CDH15: variants seen among roughly 807,000 people sequenced by gnomAD.
CDH15 encodes the protein cadherin-15.
In CDH15, 73 loss-of-function variants were observed where a neutral mutation model predicts 69.4. That is an observed-to-expected ratio of 1.05 (90% confidence interval 0.87 to 1.28). The LOEUF is 1.28. Among genes scored for constraint, CDH15 ranks in the 50% most tolerant of loss-of-function variants. The pLI, the probability that CDH15 is intolerant of heterozygous loss-of-function variation, is 0.00. For missense variants in CDH15, 1,343 were observed against 1,133.6 expected (o/e 1.18, Z -2.65); for synonymous variants, 624 against 507.7 (o/e 1.23, Z -3.08).
Position 89,172,260 on chromosome 16 carries a change from G to A in CDH15, c.42+387G>A, listed in dbSNP as rs113186228. Among the ~76,000 whole-genome samples the A allele has an allele frequency of 2.0e-3, 307 of 152,214 alleles. 3 individuals are homozygous for A. Among genetic ancestry groups the A allele is most frequent in the African/African-American group, 6.1e-3 (255 of 41,534 alleles). On this transcript the variant is annotated intron_variant, in intron 1 of 13. Coordinates refer to ENST00000289746, the MANE Select transcript of CDH15 (RefSeq NM_004933.3). ...GAGTGCCCCTCTCTGGGGGGCTGGG[G>A]GCCAGGTTTCTATAGGGACTCCCTG... is the stretch of plus-strand genomic sequence containing the variant.
intron 13 of CDH15, among the ~76,000 whole-genome samples, chr16:89,194,197 G>T (rs1245972712): frequency 6.6e-6 from 1 of 152,236 alleles, no homozygotes; most frequent in Non-Finnish European, 1.5e-5. Context: ...CATGGAGGGG[G>T]TGGGGGAGCC....
chr16:89,192,241 C>T lies in CDH15; in HGVS notation c.1652C>T (p.Pro551Leu). ...CGCCTGCGGCCGCGACACCAGGTCC[C>T]CGAAGGCCTGCACCGCCTCAGCCTG... is the stretch of plus-strand genomic sequence containing the variant. ...HARLRPRHQVPEGLHRLSLLL... is the reference protein window; with the variant it reads ...HARLRPRHQVLEGLHRLSLLL... Residue 551 changes from proline (P) to leucine (L), a missense_variant, in exon 11 of 14, where the codon CCC becomes CTC. By Grantham distance (98) the Pro-to-Leu change is moderately conservative. Coordinates refer to ENST00000289746, the MANE Select transcript of CDH15 (RefSeq NM_004933.3). The T allele has an allele frequency of 1.2e-5, 19 of 1,529,894 alleles. No homozygotes were observed. Among genetic ancestry groups the T allele is most frequent in the Non-Finnish European group, 1.7e-5 (19 of 1,144,870 alleles). 94.8% of individuals were successfully genotyped at this position (1,529,894 alleles called of 1,614,324 possible). A position where few individuals can be genotyped will look rare whatever the true frequency, so the allele number is the denominator to read the frequency against.
intron 6 of CDH15, 130 bp from the exon 7 acceptor site, chr16:89,187,970 C>T: frequency 2.5e-6 from 2 of 804,266 alleles, no homozygotes; most frequent in Non-Finnish European, 3.8e-6. Context: ...TCGACAGGAG[C>T]AAGGGAGGGT....
intron 3 of CDH15, 159 bp from the exon 4 acceptor site, chr16:89,183,389 C>T: frequency 1.3e-6 from 1 of 792,708 alleles, no homozygotes; most frequent in Admixed American, 2.2e-5. Flanking sequence ...TCCTCAGTCA[C>T]TGTGACAGAT....
chr16:89,171,752 C>A lies in CDH15; in HGVS notation c.-80C>A. 1 of 1,398,686 alleles carries A rather than the reference C, an allele frequency of 7.1e-7. No homozygotes were observed. The highest frequency in any genetic ancestry group is 1.4e-5 in the African/African-American group (1 of 69,668). The allele number at this position is 1,398,686 out of a possible 1,614,324, so 86.6% of individuals were successfully genotyped here. On this transcript the variant is annotated 5_prime_UTR_variant, in exon 1 of 14. Coordinates refer to ENST00000289746, the MANE Select transcript of CDH15 (RefSeq NM_004933.3). ...CTGTCTCTGGCCCTGGCCCGCCCCG[C>A]GCACTTGCGCTGTCACTCAGCCTGG...
chr16:89,180,754 C>A (rs1037323753), intron 3 of CDH15, among the ~76,000 whole-genome samples: 2 of 152,140 alleles, frequency 1.3e-5, no homozygotes, highest in South Asian at 4.2e-4. Flanking sequence ...GATGGAGTCT[C>A]GCTCTGTCGC....
rs529150187 is a variant in CDH15 at position 89,183,465 on chromosome 16, G to A, written c.358-83G>A. The A allele has an allele frequency of 8.2e-4, 1,221 of 1,497,548 alleles. 3 individuals carry two copies. Among genetic ancestry groups the A allele is most frequent in the Non-Finnish European group, 1.0e-3 (1,130 of 1,080,260 alleles). The allele number at this position is 1,497,548 out of a possible 1,614,324, so 92.8% of individuals were successfully genotyped here. On this transcript the variant is annotated intron_variant, in intron 3 of 13. Coordinates refer to ENST00000289746, the MANE Select transcript of CDH15 (RefSeq NM_004933.3). ...TTCCAGCTGGAGACAAAGTCTGAAC[G>A]TGCTGTCTCTTTCGCATGGCCCTAA...
In CDH15 at chr16:89,190,324, A is replaced by T. The variant is rs375768299; in HGVS notation, c.1060A>T (p.Arg354Trp). 3.1e-6 allele frequency: 5 copies of T among 1,612,322 alleles called. No homozygotes were observed. The African/African-American group carries it at 6.7e-5, about 21-fold the overall frequency. Residue 354 changes from arginine (R) to tryptophan (W), a missense_variant, in exon 8 of 14, where the codon AGG becomes TGG. Arg to Trp is a moderately radical substitution (Grantham distance 101). Transcript: ENST00000289746. ...NEAPLQAAAL[R>W]AERGQAKVRV... The stretch of plus-strand genomic sequence containing the variant: ...GGCCCCGCTGCAGGCGGCTGCCCTT[A>T]GGGCTGAGCGGGGCCAGGCCAAGGT...
In CDH15 at chr16:89,194,001, AG is replaced by A; in HGVS notation, c.2151+89del. On this transcript the variant is annotated intron_variant, in intron 13 of 13. Transcript: ENST00000289746. ...ATGTACACACCTGCACATGCATGCA[AG>A]AACCGGCGCCTGCATGCACTTATGG... is the stretch of plus-strand genomic sequence containing the variant. The A allele has an allele frequency of 2.1e-6, 3 of 1,427,480 alleles. No homozygotes were observed. The South Asian group carries it at 3.6e-5, about 17-fold the overall frequency. 88.4% of individuals were successfully genotyped at this position (1,427,480 alleles called of 1,614,324 possible).
At chr16:89,180,797 C>T (rs1432632410) in intron 3 of CDH15, among the ~76,000 whole-genome samples, 1 of 142,498 alleles carries the variant, frequency 7.0e-6, no homozygotes, top group Non-Finnish European at 1.5e-5. Context: ...GATCTCGGCT[C>T]ACTGCAAGCT....
Position 89,171,810 on chromosome 16 carries a change from C to T in CDH15, c.-22C>T. On this transcript the variant is annotated 5_prime_UTR_variant, in exon 1 of 14. Coordinates refer to ENST00000289746, the MANE Select transcript of CDH15 (RefSeq NM_004933.3). ...TCTTCGGGTCGCGGGTGCACTCCGG[C>T]CCGGCTCCCGCCTCGGCCCCGATGG... The T allele has an allele frequency of 3.2e-6, 5 of 1,548,806 alleles. No individual in the cohort carries two copies. The highest frequency in any genetic ancestry group is 4.3e-6 in the Non-Finnish European group (5 of 1,150,208).
At chr16:89,190,140 C>G in intron 7 of CDH15, 103 bp from the exon 8 acceptor site, 1 of 1,381,734 alleles carries the variant, frequency 7.2e-7, no homozygotes, top group African/African-American at 1.4e-5. Context: ...AAGGAAAGTA[C>G]AGGTGCTCTG....
intron 13 of CDH15, among the ~76,000 whole-genome samples, chr16:89,194,510 G>A (rs984400124): frequency 6.6e-6 from 1 of 152,218 alleles, no homozygotes; most frequent in Admixed American, 6.5e-5. Flanking sequence ...GCGGATGGGG[G>A]TGTCCAGGAG....
At chr16:89,177,876 C>T (rs773467114) in intron 1 of CDH15, among the ~76,000 whole-genome samples, 1 of 152,108 alleles carries the variant, frequency 6.6e-6, no homozygotes, top group Admixed American at 6.5e-5. Context: ...CACCCAGAAA[C>T]ACTGACTCCC....
intron 6 of CDH15, 30 bp downstream of exon 6, chr16:89,187,587 GC>G: frequency 6.2e-7 from 1 of 1,612,492 alleles, no homozygotes. Flanking sequence ...CTCGAAAGTA[GC>G]CCCTGCTTAG....
Position 89,192,281 on chromosome 16 carries a change from G to A in CDH15, c.1692G>A (p.Ser564=). ...LHRLSLLLRD[S]GQPPQQREQP... Reference sequence around the variant, plus strand: ...GCCTCAGCCTGCTGCTCCGGGACTCGGGGCAGCCGCCCCAGCAGCGCGAGC... The same window carrying A: ...GCCTCAGCCTGCTGCTCCGGGACTCAGGGCAGCCGCCCCAGCAGCGCGAGC... Residue 564 remains serine (S), a synonymous_variant, in exon 11 of 14, where the codon TCG becomes TCA. Coordinates refer to ENST00000289746, the MANE Select transcript of CDH15 (RefSeq NM_004933.3). 1 of 1,531,426 alleles carries A rather than the reference G, an allele frequency of 6.5e-7. No homozygotes were observed. The allele number at this position is 1,531,426 out of a possible 1,614,324, so 94.9% of individuals were successfully genotyped here.
In CDH15 at chr16:89,194,887, C is replaced by T. The variant is rs780713673; in HGVS notation, c.2177C>T (p.Pro726Leu). 5 of 1,606,676 alleles carry T rather than the reference C, an allele frequency of 3.1e-6. No individual in the cohort carries two copies. Among genetic ancestry groups the T allele is most frequent in the Admixed American group, 1.7e-5 (1 of 59,484 alleles). ...NDGLEAADSD[P>L]SVPPYDTALI... ...GGCTTGGAGGCTGCAGATAGTGACC[C>T]CAGTGTGCCGCCTTACGACACAGCC... Residue 726 changes from proline (P) to leucine (L), a missense_variant, in exon 14 of 14, where the codon CCC becomes CTC. By Grantham distance (98) the Pro-to-Leu change is moderately conservative (BLOSUM62 -3). Transcript: ENST00000289746.
At chr16:89,180,064 T>C (rs1021791412) in intron 2 of CDH15, 136 bp from the exon 3 acceptor site, 3 of 948,570 alleles carry the variant, frequency 3.2e-6, no homozygotes, top group Admixed American at 2.1e-5. Flanking sequence ...CCTCATTGGG[T>C]ACCAGGATCC....
intron 1 of CDH15, among the ~76,000 whole-genome samples, chr16:89,177,178 C>CG (rs1466816784): frequency 6.6e-6 from 1 of 151,726 alleles, no homozygotes; most frequent in Non-Finnish European, 1.5e-5. Flanking sequence ...CACGTGGTAC[C>CG]GGTGGGGGGC....
Sources: allele counts gnomAD v4.1 joint callset (sites outside exome capture counted in the v4.1 genomes callset), GRCh38; gene constraint gnomAD v4.1.1; transcripts MANE v1.5; gene names NCBI Gene and HGNC (gene_info 2026-07-23, HGNC 2026-07-21).